Variants in ULK4 observed in about 807,000 individuals in gnomAD.
ULK4 encodes the protein unc-51 like kinase 4.
ULK4 carries 133 observed loss-of-function variants against 160.6 expected under a neutral mutation model. That is an observed-to-expected ratio of 0.83 (90% CI 0.72 to 0.96). ULK4 has a LOEUF of 0.96. ULK4 is among the 40% of genes least tolerant of loss of function. ULK4 has a pLI of 0.00. For synonymous variants in ULK4, 534 were observed against 539.8 expected (o/e 0.99, Z 0.15); for missense variants, 1,580 against 1,499.5 (o/e 1.05, Z -0.89).
intron 21 of ULK4, among the ~76,000 whole-genome samples, chr3:41,772,434 A>G (rs1360671784): frequency 6.6e-6 from 1 of 152,004 alleles, no homozygotes; most frequent in Non-Finnish European, 1.5e-5. Context: ...AGAGAATACT[A>G]TAAACACCTC....
At chr3:41,909,214 C>G (rs865908401) in intron 11 of ULK4, among the ~76,000 whole-genome samples, 11 of 151,768 alleles carry the variant, frequency 7.2e-5, no homozygotes, top group Middle Eastern at 6.8e-3. Context: ...TGAGCAAAGA[C>G]CGCACCACTG....
At chr3:41,411,647 G>A (rs1323331574) in intron 34 of ULK4, among the ~76,000 whole-genome samples, 1 of 151,982 alleles carries the variant, frequency 6.6e-6, no homozygotes, top group Non-Finnish European at 1.5e-5. Flanking sequence ...TGGCTAGGCT[G>A]GTCTCGAACT....
At chr3:41,472,842 T>C (rs997748358) in intron 32 of ULK4, among the ~76,000 whole-genome samples, 2 of 152,202 alleles carry the variant, frequency 1.3e-5, no homozygotes, top group Non-Finnish European at 2.9e-5. Flanking sequence ...AAGGCCACTG[T>C]CTTTGATAAA....
At chr3:41,916,613 A>G (rs921328456) in intron 7 of ULK4, among the ~76,000 whole-genome samples, 1 of 151,240 alleles carries the variant, frequency 6.6e-6, no homozygotes, top group Non-Finnish European at 1.5e-5. Context: ...TTAGTCTCCA[A>G]CTCCTGGGCT....
intron 35 of ULK4, among the ~76,000 whole-genome samples, chr3:41,390,316 A>G (rs530853432): frequency 5.3e-5 from 8 of 152,236 alleles, no homozygotes; most frequent in African/African-American, 1.9e-4. Flanking sequence ...TTCAAAAACT[A>G]GCTCCTGGAT....
rs373017296 is a variant in ULK4, at chr3:41,907,933, G to A, written c.1094C>T (p.Pro365Leu). ...NESMFLLSSRPTPRTSTAVEV... is the reference protein window; with the variant it reads ...NESMFLLSSRLTPRTSTAVEV... ...CACTGCAGTGCTAGTTCTGGGAGTAGGACGAGAACTGAAAAATACAAACCA... is the reference window on the plus strand; with the variant it reads ...CACTGCAGTGCTAGTTCTGGGAGTAAGACGAGAACTGAAAAATACAAACCA... Residue 365 changes from proline (P) to leucine (L), a missense_variant, in exon 12 of 37, where the codon CCT (proline) becomes CTT (leucine). Physicochemically the swap from Pro to Leu is moderately conservative, Grantham distance 98. Transcript: ENST00000301831. 1.1e-5 allele frequency: 17 copies of A among 1,601,536 alleles called. No homozygotes were observed. Among genetic ancestry groups the A allele is most frequent in the Non-Finnish European group, 1.2e-5 (14 of 1,174,792 alleles).
chr3:41,781,395 C>T (rs1489908189), intron 21 of ULK4, among the ~76,000 whole-genome samples: 2 of 141,466 alleles, frequency 1.4e-5, no homozygotes, highest in Non-Finnish European at 3.0e-5. Context: ...CCAGCCTGGG[C>T]AACAGAGCGA....
chr3:41,525,045 T>C (rs910382164), intron 32 of ULK4, among the ~76,000 whole-genome samples: 2 of 152,176 alleles, frequency 1.3e-5, no homozygotes, highest in Non-Finnish European at 2.9e-5. Context: ...CTTGAGAGCA[T>C]TCTGGAAGCT....
chr3:41,648,714 A>T (rs1195133284), intron 30 of ULK4, among the ~76,000 whole-genome samples: 1 of 152,130 alleles, frequency 6.6e-6, no homozygotes, highest in Non-Finnish European at 1.5e-5. Flanking sequence ...CCTTTAGGGA[A>T]TGTTGAGGGA....
At chr3:41,855,386 C>T (rs1575833057) in intron 17 of ULK4, among the ~76,000 whole-genome samples, 1 of 152,176 alleles carries the variant, frequency 6.6e-6, no homozygotes, top group South Asian at 2.1e-4. Context: ...CAGGTCCCCA[C>T]TTCTGTATCT....
chr3:41,927,675 C>CAAAAAAAA, intron 5 of ULK4, among the ~76,000 whole-genome samples: 1 of 118,410 alleles, frequency 8.4e-6, no homozygotes, highest in Non-Finnish European at 1.7e-5. Flanking sequence ...AAATGGAAAG[C>CAAAAAAAA]AAAAAAAAAA....
chr3:41,729,271 G>C (rs1386887604), intron 22 of ULK4, among the ~76,000 whole-genome samples: 2 of 152,188 alleles, frequency 1.3e-5, no homozygotes, highest in Non-Finnish European at 2.9e-5. Flanking sequence ...GGAGCCCCCA[G>C]TAGCTCCCAC....
intron 30 of ULK4, among the ~76,000 whole-genome samples, chr3:41,628,815 G>A (rs369585130): frequency 2.0e-4 from 30 of 152,152 alleles, no homozygotes; most frequent in African/African-American, 7.0e-4. Context: ...CTGGCTGAAG[G>A]ACACATGGAA....
chr3:41,249,232 C>A (rs988422646), intron 36 of ULK4, among the ~76,000 whole-genome samples: 1 of 152,160 alleles, frequency 6.6e-6, no homozygotes, highest in African/African-American at 2.4e-5. Flanking sequence ...AATATTGTTT[C>A]CCCTGGCAGG....
chr3:41,628,962 T>C (rs377287311), intron 30 of ULK4, among the ~76,000 whole-genome samples: 1 of 152,234 alleles, frequency 6.6e-6, no homozygotes, highest in African/African-American at 2.4e-5. Flanking sequence ...TGGGCAAGTT[T>C]AGGACTGCTT....
At chr3:41,682,069 T>C (rs1432933911) in intron 27 of ULK4, among the ~76,000 whole-genome samples, 2 of 152,206 alleles carry the variant, frequency 1.3e-5, no homozygotes, top group African/African-American at 2.4e-5. Flanking sequence ...AAAGGAACTT[T>C]AGAATATAAT....
At chr3:41,517,715 TG>T (rs1473975022) in intron 32 of ULK4, among the ~76,000 whole-genome samples, 19 of 152,298 alleles carry the variant, frequency 1.2e-4, no homozygotes, top group Admixed American at 7.2e-4. Context: ...ATTCAGCCCT[TG>T]GTGAGGGCAC....
At chr3:41,721,011 T>A (rs1457899678) in intron 22 of ULK4, among the ~76,000 whole-genome samples, 1 of 152,020 alleles carries the variant, frequency 6.6e-6, no homozygotes, top group East Asian at 1.9e-4. Context: ...ATAATTAGAA[T>A]GCGGCTGTCA....
chr3:41,765,216 T>A (rs139887859), intron 21 of ULK4, among the ~76,000 whole-genome samples: 18,803 of 152,108 alleles, frequency 0.12, 1,326 homozygotes, highest in Middle Eastern at 0.26. Context: ...CACCATGGAA[T>A]ACTATACAGC....
Sources: gnomAD v4.1 joint callset for allele counts (sites outside exome capture counted in the v4.1 genomes callset) on GRCh38, gnomAD v4.1.1 for gene constraint, MANE v1.5 for transcripts, NCBI Gene and HGNC (gene_info 2026-07-23, HGNC 2026-07-21) for gene names.